DRD2: variants seen among roughly 807,000 people sequenced by gnomAD.
DRD2 encodes dopamine receptor D2.
Under a neutral mutation model 38.0 loss-of-function variants are expected in DRD2, and 8 were observed. The ratio of observed to expected loss-of-function variants is 0.21; its 90% CI spans 0.12 to 0.38. The LOEUF is 0.38. DRD2 is among the 10% of genes least tolerant of loss of function. DRD2 has a pLI of 1.00. For synonymous variants in DRD2, 230 were observed against 238.6 expected (o/e 0.96, Z 0.33); for missense variants, 403 against 607.7 (o/e 0.66, Z 3.54).
intron 1 of DRD2, among the ~76,000 whole-genome samples, chr11:113,459,729 A>G (rs4936274): frequency 0.78 from 119,259 of 152,138 alleles, 49,494 homozygotes; most frequent in Middle Eastern, 0.94. Flanking sequence ...AGTATAGTAC[A>G]GTGACTAATT....
intron 2 of DRD2, 58 bp from the exon 3 acceptor site, chr11:113,418,194 T>C: frequency 2.8e-6 from 4 of 1,418,494 alleles, no homozygotes; most frequent in Admixed American, 1.7e-5. Context: ...GCTTAGGTCC[T>C]GTAGCCTGGT....
intron 1 of DRD2, among the ~76,000 whole-genome samples, chr11:113,462,336 G>A (rs1951329930): frequency 6.6e-6 from 1 of 152,200 alleles, no homozygotes; most frequent in South Asian, 2.1e-4. Flanking sequence ...AGCTCAGAAG[G>A]TGACCTCATT....
At chr11:113,465,110 G>T (rs1317828264) in intron 1 of DRD2, among the ~76,000 whole-genome samples, 1 of 139,224 alleles carries the variant, frequency 7.2e-6, no homozygotes, top group Non-Finnish European at 1.7e-5. Context: ...CAGCCTCTGT[G>T]ATTTTTTTTT....
At position 113,415,427 on chromosome 11, in the gene DRD2, T is replaced by C. The variant is rs201004067; in HGVS notation, c.717A>G (p.Pro239=). 4 of 1,612,342 alleles carry C rather than the reference T, an allele frequency of 2.5e-6. No individual in the cohort carries two copies. In the African/African-American group the frequency reaches 5.3e-5, roughly 22 times the overall value. The part of the protein sequence containing the change: ...SRAFRAHLRA[P]LKGNCTHPED... ...TTGGGGGGTGTCTTGAGACCTTTAG[T>C]GGAGCCCTCAGGTGGGCCCTGAAAG... The change falls in exon 5 of 8, where the codon CCA becomes CCG. Residue 239 remains proline, a synonymous_variant. Coordinates refer to ENST00000362072, the MANE Select transcript of DRD2 (RefSeq NM_000795.4).
At chr11:113,445,192 C>A (rs1042158282) in intron 1 of DRD2, among the ~76,000 whole-genome samples, 2 of 152,180 alleles carry the variant, frequency 1.3e-5, no homozygotes, top group African/African-American at 2.4e-5. Context: ...GATGTGACAA[C>A]CAAACCATGT....
chr11:113,469,034 A>T (rs971901754), intron 1 of DRD2, among the ~76,000 whole-genome samples: 9 of 152,208 alleles, frequency 5.9e-5, no homozygotes, highest in African/African-American at 2.2e-4. Flanking sequence ...TCTGGCTTTC[A>T]TCCTTTGGAC....
chr11:113,448,467 G>C (rs1157775041), intron 1 of DRD2, among the ~76,000 whole-genome samples: 1 of 152,194 alleles, frequency 6.6e-6, no homozygotes, highest in Non-Finnish European at 1.5e-5. Context: ...ACTCTAAAAA[G>C]CCCAGGAGTC....
chr11:113,417,779 T>A (rs375326161), intron 3 of DRD2, among the ~76,000 whole-genome samples: 1 of 152,224 alleles, frequency 6.6e-6, no homozygotes, highest in Non-Finnish European at 1.5e-5. Flanking sequence ...TTTCCCCTTT[T>A]GTACCAGTCA....
chr11:113,470,035 G>GGGTCT (rs1951408253), intron 1 of DRD2, among the ~76,000 whole-genome samples: 1 of 152,174 alleles, frequency 6.6e-6, no homozygotes, highest in South Asian at 2.1e-4. Flanking sequence ...CAGCAAAGGA[G>GGGTCT]GGTCTGGTGA....
At position 113,429,301 on chromosome 11, in the gene DRD2, G is replaced by A. The variant is rs558884591; in HGVS notation, c.-31-4619C>T. 3.6e-3 allele frequency among the ~76,000 whole-genome samples: 549 copies of A among 152,180 alleles called. 1 individual carries two copies. Among genetic ancestry groups the A allele is most frequent in the African/African-American group, 0.013 (524 of 41,520 alleles). On this transcript the variant is annotated intron_variant, in intron 1 of 7. Transcript: ENST00000362072. ...GCTCTGTCACCCGGGCTGGAGTGCA[G>A]TGGGGCTATCTCGGCTCACTGCAAG...
chr11:113,474,051 C>T (rs1951452883), intron 1 of DRD2, among the ~76,000 whole-genome samples: 1 of 152,138 alleles, frequency 6.6e-6, no homozygotes, highest in African/African-American at 2.4e-5. Flanking sequence ...TCCCTCACCC[C>T]CTCACCCAAC....
At chr11:113,469,577 A>G (rs1165407779) in intron 1 of DRD2, among the ~76,000 whole-genome samples, 2 of 152,198 alleles carry the variant, frequency 1.3e-5, no homozygotes. Context: ...CTTCCTCTGC[A>G]AAATGGAATA....
intron 1 of DRD2, among the ~76,000 whole-genome samples, chr11:113,445,286 A>G (rs1951135089): frequency 6.6e-6 from 1 of 152,254 alleles, no homozygotes; most frequent in African/African-American, 2.4e-5. Flanking sequence ...TCATTTAGTT[A>G]ATAATATTGA....
chr11:113,457,848 T>C (rs1245764590), intron 1 of DRD2, among the ~76,000 whole-genome samples: 2 of 152,252 alleles, frequency 1.3e-5, no homozygotes, highest in African/African-American at 4.8e-5. Context: ...TCTGCCACCT[T>C]AGCCCTGCTC....
chr11:113,442,290 T>A (rs1951102545), intron 1 of DRD2, among the ~76,000 whole-genome samples: 1 of 152,212 alleles, frequency 6.6e-6, no homozygotes, highest in South Asian at 2.1e-4. Context: ...CTGGTTTCAC[T>A]CAGTTTACAT....
chr11:113,470,306 C>T (rs1951411157), intron 1 of DRD2, among the ~76,000 whole-genome samples: 2 of 152,176 alleles, frequency 1.3e-5, no homozygotes, highest in South Asian at 2.1e-4. Flanking sequence ...AATGAACAGG[C>T]GCCAGGACTC....
At chr11:113,427,373 C>T (rs1950949790) in intron 1 of DRD2, among the ~76,000 whole-genome samples, 1 of 152,108 alleles carries the variant, frequency 6.6e-6, no homozygotes, top group African/African-American at 2.4e-5. Flanking sequence ...TGAGCCATCA[C>T]CCACCCTCCT....
chr11:113,424,704 A>T, intron 1 of DRD2, 22 bp from the exon 2 acceptor site: 1 of 1,611,884 alleles, frequency 6.2e-7, no homozygotes, highest in East Asian at 2.2e-5. Context: ...AAATGGACAC[A>T]AGGTGTCAGT....
intron 1 of DRD2, chr11:113,449,909 T>G (rs1200747820): frequency 6.6e-6 from 1 of 152,526 alleles, no homozygotes; most frequent in Non-Finnish European, 1.5e-5. Context: ...CAGTTGTGGG[T>G]AGAACTGATT....
Sources: gnomAD v4.1 joint callset for allele counts (sites outside exome capture counted in the v4.1 genomes callset) on GRCh38, gnomAD v4.1.1 for gene constraint, MANE v1.5 for transcripts, NCBI Gene and HGNC (gene_info 2026-07-23, HGNC 2026-07-21) for gene names.